Variants in MDH1 observed in about 807,000 individuals in gnomAD.
The protein encoded by MDH1 is malate dehydrogenase, cytoplasmic.
In MDH1, 15 loss-of-function variants were observed where a neutral mutation model predicts 38.7. The ratio of observed to expected loss-of-function variants is 0.39; its 90% CI spans 0.26 to 0.60. The LOEUF is 0.60. Among genes scored for constraint, MDH1 ranks in the 20% least tolerant of loss-of-function variants. The probability of loss-of-function intolerance (pLI) is 0.56; values close to 1 mark genes in which losing one functional copy is unlikely to be tolerated. For synonymous variants in MDH1, 144 were observed against 143.6 expected (o/e 1.00, Z -0.02); for missense variants, 368 against 405.2 (o/e 0.91, Z 0.79).
chr2:63,601,723 C>G lies in MDH1; in HGVS notation c.498+2431C>G, dbSNP rs187289921. ...ACAAGAACAAAGGAAGGCATGGGAGCCAAGGAGGACTGAGGGTGGAGAGGC... is the reference window on the plus strand; with the variant it reads ...ACAAGAACAAAGGAAGGCATGGGAGGCAAGGAGGACTGAGGGTGGAGAGGC... On this transcript the variant is annotated intron_variant, in intron 5 of 8. Transcript: ENST00000233114. 3.4e-4 allele frequency among the ~76,000 whole-genome samples: 51 copies of G among 152,174 alleles called. 1 individual carries two copies. The South Asian group carries it at 8.5e-3, about 25-fold the overall frequency.
At chr2:63,595,320 A>G in intron 2 of MDH1, 103 bp from the exon 3 acceptor site, 1 of 752,194 alleles carries the variant, frequency 1.3e-6, no homozygotes, top group Non-Finnish European at 2.4e-6. Context: ...AATTAATGGG[A>G]ATTACATGCA....
intron 5 of MDH1, among the ~76,000 whole-genome samples, chr2:63,603,720 C>T (rs948340836): frequency 3.6e-5 from 5 of 138,338 alleles, no homozygotes; most frequent in African/African-American, 1.1e-4. Flanking sequence ...TGCAGTGGTG[C>T]GATCTTGGCT....
Position 63,607,130 on chromosome 2 carries a change from G to A in MDH1, c.*143G>A. 2.9e-6 allele frequency: 2 copies of A among 690,058 alleles called. No homozygotes were observed. The highest frequency in any genetic ancestry group is 4.5e-6 in the Non-Finnish European group (2 of 447,140). 42.7% of individuals were successfully genotyped at this position (690,058 alleles called of 1,614,324 possible). A position where few individuals can be genotyped will look rare whatever the true frequency, so the allele number is the denominator to read the frequency against. The stretch of plus-strand genomic sequence containing the variant: ...AAAGATTACGTGCTTCTTGGTACAG[G>A]TTTGTGAATGACAGTTTATCGTCAT... On this transcript the variant is annotated 3_prime_UTR_variant, in exon 9 of 9. Transcript: ENST00000233114.
In MDH1 at chr2:63,597,639, T is replaced by G. The variant is rs1012897295; in HGVS notation, c.375+65T>G. The G allele has an allele frequency of 3.0e-6, 4 of 1,312,958 alleles. No individual in the cohort carries two copies. The African/African-American group carries it at 4.5e-5, about 15-fold the overall frequency. The allele number at this position is 1,312,958 out of a possible 1,614,324, so 81.3% of individuals were successfully genotyped here. On this transcript the variant is annotated intron_variant, in intron 4 of 8. Transcript: ENST00000233114. Reference sequence around the variant, plus strand: ...CATTTGAAACTTATGCTTTTAGCATTTAAGCAAAACCAAAATTATTTGCCC... The same window carrying G: ...CATTTGAAACTTATGCTTTTAGCATGTAAGCAAAACCAAAATTATTTGCCC...
Position 63,597,587 on chromosome 2 carries a change from G to A in MDH1, c.375+13G>A, listed in dbSNP as rs552605471. The A allele has an allele frequency of 3.2e-4, 434 of 1,352,936 alleles. 7 individuals carry two copies. The South Asian group carries it at 9.0e-3, about 28-fold the overall frequency. 83.8% of individuals were successfully genotyped at this position (1,352,936 alleles called of 1,614,324 possible). A position where few individuals can be genotyped will look rare whatever the true frequency, so the allele number is the denominator to read the frequency against. On this transcript the variant is annotated intron_variant, in intron 4 of 8. Transcript: ENST00000233114. ...GAAGTCAGTTAAGGTGACCAATGCT[G>A]TATTTTATGGGATTTTTCATTATTA... is the stretch of plus-strand genomic sequence containing the variant.
At position 63,604,734 on chromosome 2, in the gene MDH1, G is replaced by C; in HGVS notation, c.537G>C (p.Lys179Asn). Residue 179 changes from lysine to asparagine, a missense_variant, in exon 6 of 9, where the codon AAG (lysine) becomes AAC (asparagine). Coordinates refer to ENST00000233114, the MANE Select transcript of MDH1 (RefSeq NM_005917.4). ...TTGGTGTGACTGCTAATGATGTAAAGAATGTCATTATCTGGGGAAACCATT... is the reference window on the plus strand; with the variant it reads ...TTGGTGTGACTGCTAATGATGTAAACAATGTCATTATCTGGGGAAACCATT... ...LKLGVTANDVKNVIIWGNHSS... is the reference protein window; with the variant it reads ...LKLGVTANDVNNVIIWGNHSS... The C allele has an allele frequency of 6.2e-7, 1 of 1,614,088 alleles. No individual in the cohort carries two copies. The highest frequency in any genetic ancestry group is 8.5e-7 in the Non-Finnish European group (1 of 1,179,946).
intron 8 of MDH1, among the ~76,000 whole-genome samples, chr2:63,606,658 G>A (rs1413396044): frequency 6.9e-6 from 1 of 145,154 alleles, no homozygotes; most frequent in East Asian, 2.0e-4. Context: ...CATTTTTGAA[G>A]TTTTTTTTTT....
At chr2:63,599,116 ATTAG>A in intron 4 of MDH1, 50 bp from the exon 5 acceptor site, 1 of 1,552,062 alleles carries the variant, frequency 6.4e-7, no homozygotes, top group East Asian at 2.4e-5. Context: ...TTTAACATAG[ATTAG>A]TTAGTAACTA....
chr2:63,588,972 C>G lies in MDH1; in HGVS notation c.-72C>G, dbSNP rs941617400. 1.4e-5 allele frequency: 22 copies of G among 1,610,502 alleles called. No individual in the cohort carries two copies. Among genetic ancestry groups the G allele is most frequent in the East Asian group, 2.2e-5 (1 of 44,880 alleles). On this transcript the variant is annotated 5_prime_UTR_variant, in exon 1 of 9. Coordinates refer to ENST00000233114, the MANE Select transcript of MDH1 (RefSeq NM_005917.4). Reference sequence around the variant, plus strand: ...ACCGCTCGCCCTCTCCGAGTCAGTTCCGCGGTAGAGGTGACCTGACTCTCT... The same window carrying G: ...ACCGCTCGCCCTCTCCGAGTCAGTTGCGCGGTAGAGGTGACCTGACTCTCT...
chr2:63,593,538 C>T lies in MDH1; in HGVS notation c.4-950C>T, dbSNP rs1363562993. 2.8e-4 allele frequency: 132 copies of T among 470,936 alleles called. 3 individuals carry two copies. The highest frequency in any genetic ancestry group is 1.7e-3 in the South Asian group (108 of 64,534). 29.2% of individuals were successfully genotyped at this position (470,936 alleles called of 1,614,324 possible). A position where few individuals can be genotyped will look rare whatever the true frequency, so the allele number is the denominator to read the frequency against. The stretch of plus-strand genomic sequence containing the variant: ...ATCCATCCTTGTTTCGTCTCAGAGA[C>T]GTGACTCTCATCTGGAAGAAGGAAC... On this transcript the variant is annotated intron_variant, in intron 1 of 8. Coordinates refer to ENST00000233114, the MANE Select transcript of MDH1 (RefSeq NM_005917.4).
chr2:63,591,747 T>C (rs1019041215), intron 1 of MDH1, among the ~76,000 whole-genome samples: 5 of 152,206 alleles, frequency 3.3e-5, no homozygotes, highest in Non-Finnish European at 7.3e-5. Flanking sequence ...CATGGCCTAA[T>C]ACAGAGCAAC....
rs1709547414 is a variant in MDH1, at chr2:63,607,058, T to G, written c.*71T>G. On this transcript the variant is annotated 3_prime_UTR_variant, in exon 9 of 9. Transcript: ENST00000233114. ...TGTCGTCTTTGACTCAAGTACCAAA[T>G]AATAATAATGCTATACTTAAATTAC... 2.1e-6 allele frequency: 3 copies of G among 1,405,656 alleles called. No homozygotes were observed. The allele number at this position is 1,405,656 out of a possible 1,614,324, so 87.1% of individuals were successfully genotyped here.
At chr2:63,606,180 A>C in intron 8 of MDH1, 152 bp downstream of exon 8, 1 of 721,724 alleles carries the variant, frequency 1.4e-6, no homozygotes, top group Non-Finnish European at 2.4e-6. Flanking sequence ...CCAGGAGTTC[A>C]AGACCAGCCG....
intron 1 of MDH1, among the ~76,000 whole-genome samples, chr2:63,591,717 G>A (rs1235310764): frequency 2.0e-5 from 3 of 152,168 alleles, no homozygotes; most frequent in Admixed American, 6.5e-5. Context: ...ATCAAAGACA[G>A]ACTGTTCTCA....
At chr2:63,594,991 C>T (rs888197979) in intron 2 of MDH1, 2 of 256,232 alleles carry the variant, frequency 7.8e-6, no homozygotes, top group Non-Finnish European at 1.5e-5. Context: ...TCCAGCAAGC[C>T]TGATTAATAT....
In MDH1 at chr2:63,606,890, T is replaced by C; in HGVS notation, c.908T>C (p.Leu303Pro). 1.2e-6 allele frequency: 2 copies of C among 1,611,556 alleles called. No individual in the cohort carries two copies. The highest frequency in any genetic ancestry group is 1.7e-6 in the Non-Finnish European group (2 of 1,178,400). ...AAGACCTGGAAGTTTGTTGAAGGTC[T>C]CCCTATTAATGATTTCTCACGTGAG... The part of the protein sequence containing the change: ...KNKTWKFVEG[L>P]PINDFSREKM... Residue 303 changes from leucine to proline, a missense_variant, in exon 9 of 9, where the codon CTC (leucine) becomes CCC (proline). Transcript: ENST00000233114.
Position 63,604,783 on chromosome 2 carries a change from A to C in MDH1, c.586A>C (p.Asn196His). Residue 196 changes from asparagine (N) to histidine (H), a missense_variant, in exon 6 of 9, where the codon AAC becomes CAC. Physicochemically the swap from Asn to His is moderately conservative, Grantham distance 68 (BLOSUM62 1). Transcript: ENST00000233114. ...TTCCTCGACTCAGTATCCAGATGTC[A>C]ACCATGCCAAGGTGAAATTGCAAGG... ...NHSSTQYPDV[N>H]HAKVKLQGKE... 5.0e-6 allele frequency: 8 copies of C among 1,614,166 alleles called. No homozygotes were observed. Among genetic ancestry groups the C allele is most frequent in the Non-Finnish European group, 6.8e-6 (8 of 1,179,998 alleles).
chr2:63,598,991 C>T (rs1390646648), intron 4 of MDH1, among the ~76,000 whole-genome samples, 179 bp from the exon 5 acceptor site: 3 of 151,218 alleles, frequency 2.0e-5, no homozygotes, highest in Non-Finnish European at 4.4e-5. Context: ...TTTTTTATTA[C>T]CATTTTATAA....
intron 5 of MDH1, among the ~76,000 whole-genome samples, chr2:63,601,541 G>A (rs970892226): frequency 2.0e-5 from 3 of 152,230 alleles, no homozygotes; most frequent in African/African-American, 7.2e-5. Context: ...GTCTAAGGGA[G>A]CAAAGAGCTG....
Sources: gnomAD v4.1 joint callset for allele counts (sites outside exome capture counted in the v4.1 genomes callset) on GRCh38, gnomAD v4.1.1 for gene constraint, MANE v1.5 for transcripts, NCBI Gene and HGNC (gene_info 2026-07-23, HGNC 2026-07-21) for gene names.